The following CHM variants were observed in gnomAD, a reference collection of about 807,000 sequenced individuals.
The protein encoded by CHM is CHM Rab escort protein.
In CHM, 10 loss-of-function variants were observed where a neutral mutation model predicts 49.0. The observed-to-expected ratio is 0.20, with a 90% confidence interval of 0.13 to 0.35. CHM has a LOEUF of 0.35. CHM is among the 10% of genes least tolerant of loss of function. The pLI, the probability that CHM is intolerant of heterozygous loss-of-function variation, is 1.00. For missense variants in CHM, 455 were observed against 478.4 expected (o/e 0.95, Z 0.46); for synonymous variants, 184 against 167.5 (o/e 1.10, Z -0.76).
chrX:85,932,823 CAA>C (rs765291540), intron 8 of CHM, among the ~76,000 whole-genome samples: 1 of 111,383 alleles, frequency 9.0e-6, no homozygotes, highest in Non-Finnish European at 1.9e-5. Flanking sequence ...CCTAACCTCA[CAA>C]AAAAAGACAA....
In CHM at chrX:85,981,824, A is replaced by T. The variant is rs2147712673; in HGVS notation, c.117-15T>A. On this transcript the variant is annotated splice_polypyrimidine_tract_variant and intron_variant, in intron 2 of 14. Coordinates refer to ENST00000357749, the MANE Select transcript of CHM (RefSeq NM_000390.4). ...AGTAGCTTCTTCTGTAACAATTAAA[A>T]AAAAAAAAAAAAGTAAAGAAAATGG... is the stretch of plus-strand genomic sequence containing the variant. The T allele has an allele frequency of 2.7e-6, 3 of 1,100,119 alleles. No individual in the cohort carries two copies. Among genetic ancestry groups the T allele is most frequent in the Non-Finnish European group, 3.7e-6 (3 of 816,523 alleles). The allele number at this position is 1,100,119 out of a possible 1,213,427, so 90.7% of individuals were successfully genotyped here. A position where few individuals can be genotyped will look rare whatever the true frequency, so the allele number is the denominator to read the frequency against.
chrX:85,900,593 G>A (rs370944263), intron 11 of CHM, 53 bp downstream of exon 11: 142 of 749,203 alleles, frequency 1.9e-4, no homozygotes, highest in Non-Finnish European at 2.8e-4. Flanking sequence ...TATATATACC[G>A]AAACATCTTC....
chrX:85,940,217 G>T (rs992919872), intron 8 of CHM, among the ~76,000 whole-genome samples: 7 of 111,234 alleles, frequency 6.3e-5, no homozygotes, highest in Non-Finnish European at 1.1e-4. Context: ...AACAGCAAGG[G>T]GGAAATCTGC....
At chrX:85,980,625 T>C (rs1188508897) in intron 3 of CHM, among the ~76,000 whole-genome samples, 1 of 112,136 alleles carries the variant, frequency 8.9e-6, no homozygotes, top group African/African-American at 3.2e-5. Context: ...CATCCTCCTT[T>C]CCAAACATCT....
intron 8 of CHM, among the ~76,000 whole-genome samples, chrX:85,912,139 C>G (rs1255940527): frequency 9.0e-6 from 1 of 111,506 alleles, no homozygotes. Context: ...TATCAGTAGT[C>G]TGCCCTCATA....
At chrX:85,971,604 G>C (rs952930949) in intron 4 of CHM, 10 of 293,630 alleles carry the variant, frequency 3.4e-5, no homozygotes, top group Non-Finnish European at 6.6e-5. Flanking sequence ...CCGAGCAGCA[G>C]CAAGATTTAT....
chrX:85,887,581 G>T (rs914613187), intron 12 of CHM, among the ~76,000 whole-genome samples: 2 of 111,823 alleles, frequency 1.8e-5, no homozygotes, highest in African/African-American at 6.5e-5. Context: ...TTGGAACTGG[G>T]TAACAGGGAG....
intron 4 of CHM, among the ~76,000 whole-genome samples, chrX:85,974,571 C>G: frequency 9.0e-6 from 1 of 110,782 alleles, no homozygotes; most frequent in Non-Finnish European, 1.9e-5. Context: ...TAAAGAACCT[C>G]AAAATAGACC....
chrX:85,905,703 C>T (rs992344434), intron 9 of CHM, among the ~76,000 whole-genome samples: 1 of 110,877 alleles, frequency 9.0e-6, no homozygotes, highest in Non-Finnish European at 1.9e-5. Flanking sequence ...GCAGAATTTG[C>T]GGGGTTACAA....
chrX:85,972,705 G>A (rs1047012734), intron 4 of CHM, among the ~76,000 whole-genome samples: 20 of 112,317 alleles, frequency 1.8e-4, no homozygotes, highest in East Asian at 5.7e-4. Flanking sequence ...GCCCGCAAGC[G>A]CCACGCGCAG....
chrX:86,031,678 T>C (rs184461550), intron 1 of CHM, among the ~76,000 whole-genome samples: 200 of 107,095 alleles, frequency 1.9e-3, no homozygotes, highest in African/African-American at 6.5e-3. Flanking sequence ...CCATCTCTAC[T>C]AAAAATGCAA....
At chrX:86,045,451 T>TA (rs1934617590) in intron 1 of CHM, among the ~76,000 whole-genome samples, 2 of 112,354 alleles carry the variant, frequency 1.8e-5, no homozygotes, top group African/African-American at 3.2e-5. Flanking sequence ...ATGTGCTTGA[T>TA]AAAACCTAGA....
At chrX:86,037,298 G>A (rs986827090) in intron 1 of CHM, among the ~76,000 whole-genome samples, 30 of 109,058 alleles carry the variant, frequency 2.8e-4, no homozygotes, top group African/African-American at 9.7e-4. Flanking sequence ...TGTATTTTTA[G>A]TACAGACAGG....
In CHM at chrX:85,861,862, T is replaced by C. The variant is rs1041828357; in HGVS notation, c.*2768A>G. 2 of 111,907 alleles carry C rather than the reference T, an allele frequency of 1.8e-5. No homozygotes were observed. Among genetic ancestry groups the C allele is most frequent in the African/African-American group, 6.5e-5 (2 of 30,892 alleles). 9.2% of individuals were successfully genotyped at this position (111,907 alleles called of 1,213,427 possible). On this transcript the variant is annotated 3_prime_UTR_variant, in exon 15 of 15. Transcript: ENST00000357749. ...GCATTTTCTGAAATTTTAAATTAGCTACTGAAAATTTTCCACTATGTACAA... is the reference window on the plus strand; with the variant it reads ...GCATTTTCTGAAATTTTAAATTAGCCACTGAAAATTTTCCACTATGTACAA...
intron 2 of CHM, among the ~76,000 whole-genome samples, chrX:86,021,125 CGTATATAT>C (rs1381669798): frequency 5.0e-5 from 1 of 19,992 alleles, no homozygotes; most frequent in Non-Finnish European, 7.5e-5. Context: ...TGTGTATATA[CGTATATAT>C]ATATATATAT....
chrX:85,884,468 C>A (rs1300773923), intron 12 of CHM, among the ~76,000 whole-genome samples: 7 of 110,789 alleles, frequency 6.3e-5, no homozygotes, highest in Non-Finnish European at 1.3e-4. Context: ...AGTAACTTGC[C>A]TAAGGTTAGT....
chrX:85,900,713 T>C lies in CHM; in HGVS notation c.1350-4A>G, dbSNP rs773089241. 2.6e-6 allele frequency: 3 copies of C among 1,169,446 alleles called. No individual in the cohort carries two copies. The highest frequency in any genetic ancestry group is 3.5e-6 in the Non-Finnish European group (3 of 860,298). ...CAGCACTGCCCTGGAGATCTGCCTGTAATGCACAAAACAGTGAAGCAGTAA... is the reference window on the plus strand; with the variant it reads ...CAGCACTGCCCTGGAGATCTGCCTGCAATGCACAAAACAGTGAAGCAGTAA... On this transcript the variant is annotated splice_polypyrimidine_tract_variant and splice_region_variant and intron_variant, in intron 10 of 14. Coordinates refer to ENST00000357749, the MANE Select transcript of CHM (RefSeq NM_000390.4).
At chrX:85,890,699 G>T in intron 12 of CHM, among the ~76,000 whole-genome samples, 1 of 111,625 alleles carries the variant, frequency 9.0e-6, no homozygotes, top group South Asian at 3.8e-4. Context: ...TTCCAGTTTC[G>T]GGTATGTCTT....
chrX:85,899,640 C>T (rs894928134), intron 11 of CHM, among the ~76,000 whole-genome samples: 5 of 107,785 alleles, frequency 4.6e-5, no homozygotes, highest in Non-Finnish European at 7.7e-5. Flanking sequence ...AAGCTGAGTA[C>T]CCTAATCCAA....
Sources: gnomAD v4.1 joint callset for allele counts (sites outside exome capture counted in the v4.1 genomes callset) on GRCh38, gnomAD v4.1.1 for gene constraint, MANE v1.5 for transcripts, NCBI Gene and HGNC (gene_info 2026-07-23, HGNC 2026-07-21) for gene names.